SPINK2: variants seen among roughly 807,000 people sequenced by gnomAD.
The protein encoded by SPINK2 is serine protease inhibitor Kazal-type 2.
A neutral mutation model predicts 13.5 loss-of-function variants in SPINK2; 8 were observed. That is an observed-to-expected ratio of 0.59 (90% CI 0.35 to 1.07). SPINK2 has a LOEUF of 1.07. Ranked by LOEUF, SPINK2 falls within the 50% of genes least tolerant of loss-of-function variation. SPINK2 has a pLI of 0.02. For missense variants in SPINK2, 148 were observed against 180.3 expected (o/e 0.82, Z 1.03); for synonymous variants, 76 against 74.7 (o/e 1.02, Z -0.09).
intron 3 of SPINK2, 165 bp from the exon 4 acceptor site, chr4:56,810,349 A>G: frequency 7.6e-6 from 5 of 653,934 alleles, no homozygotes; most frequent in Non-Finnish European, 2.6e-6. Flanking sequence ...AAAGAGGGTG[A>G]AAGTCCCCAC....
chr4:56,815,915 G>T (rs1413560026), intron 2 of SPINK2, among the ~76,000 whole-genome samples: 2 of 151,656 alleles, frequency 1.3e-5, no homozygotes, highest in Non-Finnish European at 2.9e-5. Flanking sequence ...ACCTGCCTGG[G>T]CAACATAGCA....
At position 56,811,417 on chromosome 4, in the gene SPINK2, G is replaced by A. The variant is rs186376452; in HGVS notation, c.359+268C>T. ...GTGGATCACTTGAGGTCAGGAGTTC[G>A]AAACCAGCCTGGCCAACATGGTGAA... On this transcript the variant is annotated intron_variant, in intron 3 of 3. Transcript: ENST00000506738. Among the ~76,000 whole-genome samples the A allele has an allele frequency of 4.9e-4, 75 of 152,190 alleles. No homozygotes were observed. The East Asian group carries it at 0.014, about 29-fold the overall frequency.
At position 56,821,696 on chromosome 4, in the gene SPINK2, T is replaced by TCA. The variant is rs768362930; in HGVS notation, c.-35_-34insTG. On this transcript the variant is annotated 5_prime_UTR_variant, in exon 1 of 4. Transcript: ENST00000506738. ...CGCGCCGGCTGTCTTGCCCCTGCGG[T>TCA]CTGTTACCTGCGCCACTCGCAGGGA... 4.3e-4 allele frequency: 629 copies of TCA among 1,456,150 alleles called. 1 individual carries two copies. Among genetic ancestry groups the TCA allele is most frequent in the Non-Finnish European group, 5.4e-4 (601 of 1,109,794 alleles). The allele number at this position is 1,456,150 out of a possible 1,614,324, so 90.2% of individuals were successfully genotyped here. A position where few individuals can be genotyped will look rare whatever the true frequency, so the allele number is the denominator to read the frequency against.
chr4:56,813,628 T>G (rs905202600), intron 2 of SPINK2, among the ~76,000 whole-genome samples: 1 of 152,028 alleles, frequency 6.6e-6, no homozygotes, highest in African/African-American at 2.4e-5. Context: ...GACTTTTTTT[T>G]TTTTTTGAGA....
At chr4:56,819,094 C>T (rs1560417491) in intron 2 of SPINK2, among the ~76,000 whole-genome samples, 1 of 152,100 alleles carries the variant, frequency 6.6e-6, no homozygotes, top group Non-Finnish European at 1.5e-5. Context: ...CCCTACCTCA[C>T]AGTACTGTGA....
Position 56,811,724 on chromosome 4 carries a change from G to A in SPINK2, c.320C>T (p.Ser107Phe). The change falls in exon 3 of 4, where the codon TCC (serine) becomes TTC (phenylalanine). Residue 107 changes from serine (S) to phenylalanine (F), a missense_variant. Physicochemically the swap from Ser to Phe is radical, Grantham distance 155 (BLOSUM62 -2). Coordinates refer to ENST00000506738, the MANE Select transcript of SPINK2 (RefSeq NM_001271718.2). ...CAGAGTACATTCATTGGCATAAGTGGACATGTCACTGCCACACACAGGGTT... is the reference window on the plus strand; with the variant it reads ...CAGAGTACATTCATTGGCATAAGTGAACATGTCACTGCCACACACAGGGTT... ...HFNPVCGSDM[S>F]TYANECTLCM... 1 of 1,611,138 alleles carries A rather than the reference G, an allele frequency of 6.2e-7. No homozygotes were observed. Among genetic ancestry groups the A allele is most frequent in the Non-Finnish European group, 8.5e-7 (1 of 1,178,096 alleles).
At chr4:56,821,435 AC>A in intron 1 of SPINK2, 22 bp downstream of exon 1, 1 of 1,494,442 alleles carries the variant, frequency 6.7e-7, no homozygotes, top group Non-Finnish European at 8.9e-7. Flanking sequence ...CACCCCCACA[AC>A]CCCCAGTTCG....
intron 2 of SPINK2, among the ~76,000 whole-genome samples, chr4:56,814,002 C>A (rs1717220953): frequency 6.8e-6 from 1 of 147,992 alleles, no homozygotes; most frequent in African/African-American, 2.5e-5. Context: ...TGGCTCACTG[C>A]AACTTCTGCC....
intron 2 of SPINK2, among the ~76,000 whole-genome samples, chr4:56,815,327 A>C (rs747559489): frequency 6.6e-6 from 1 of 152,208 alleles, no homozygotes; most frequent in Non-Finnish European, 1.5e-5. Context: ...ATTCAACACT[A>C]TACCGAAGTT....
intron 2 of SPINK2, among the ~76,000 whole-genome samples, chr4:56,819,621 T>C (rs200308151): frequency 2.3e-4 from 25 of 108,758 alleles, no homozygotes; most frequent in Admixed American, 1.4e-3. Flanking sequence ...TTTCTTTCTT[T>C]TTTTTTTTTT....
upstream of SPINK2, chr4:56,821,728 G>C (rs188645115): frequency 6.5e-6 from 9 of 1,377,146 alleles, no homozygotes; most frequent in African/African-American, 1.4e-4. Context: ...GGGAGCGCTC[G>C]TGCGACGGGG....
Position 56,811,685 on chromosome 4 carries a change from C to T in SPINK2, c.359G>A (p.Arg120Lys). 6.3e-7 allele frequency: 1 copy of T among 1,584,262 alleles called. No individual in the cohort carries two copies. The highest frequency in any genetic ancestry group is 8.6e-7 in the Non-Finnish European group (1 of 1,160,144). The change falls in exon 3 of 4, where the codon AGG becomes AAG. Residue 120 changes from arginine (R) to lysine (K), a missense_variant and splice_region_variant. By Grantham distance (26) the Arg-to-Lys change is conservative. Coordinates refer to ENST00000506738, the MANE Select transcript of SPINK2 (RefSeq NM_001271718.2). The stretch of plus-strand genomic sequence containing the variant: ...GTCTACAGCTGTAAAATCATGTTAC[C>T]TGATTTTCATGCACAGAGTACATTC... ...ANECTLCMKI[R>K]EGGHNIKIIR...
At position 56,815,265 on chromosome 4, in the gene SPINK2, C is replaced by T. The variant is rs568352541; in HGVS notation, c.250-3471G>A. ...CTACTCAATGGTAAAGGACTCAATG[C>T]TTTTCCCTAAAATCAGAAAAAAACA... On this transcript the variant is annotated intron_variant, in intron 2 of 3. Transcript: ENST00000506738. Among the ~76,000 whole-genome samples the T allele has an allele frequency of 3.9e-4, 60 of 152,260 alleles. 1 individual carries two copies. Among genetic ancestry groups the T allele is most frequent in the African/African-American group, 1.3e-3 (56 of 41,564 alleles).
intron 2 of SPINK2, among the ~76,000 whole-genome samples, chr4:56,816,933 G>A (rs1317893994): frequency 2.6e-5 from 4 of 151,678 alleles, no homozygotes; most frequent in Non-Finnish European, 2.9e-5. Context: ...GACCAGGTGC[G>A]GTGGCTCACG....
intron 2 of SPINK2, among the ~76,000 whole-genome samples, chr4:56,813,611 C>T (rs1403334804): frequency 6.6e-6 from 1 of 151,300 alleles, no homozygotes; most frequent in Non-Finnish European, 1.5e-5. Context: ...TTGTGCACTC[C>T]TTATGAGACT....
At chr4:56,819,853 G>C (rs1717784129) in intron 2 of SPINK2, among the ~76,000 whole-genome samples, 1 of 152,068 alleles carries the variant, frequency 6.6e-6, no homozygotes, top group Non-Finnish European at 1.5e-5. Flanking sequence ...CTGACCTCGT[G>C]ATCTGCCCAC....
intron 2 of SPINK2, among the ~76,000 whole-genome samples, chr4:56,812,925 T>C (rs1446662029): frequency 6.6e-6 from 1 of 152,222 alleles, no homozygotes; most frequent in Non-Finnish European, 1.5e-5. Context: ...AGATACTAAC[T>C]ACAGGAAGAG....
At chr4:56,820,047 C>T (rs1287145551) in intron 2 of SPINK2, among the ~76,000 whole-genome samples, 2 of 152,164 alleles carry the variant, frequency 1.3e-5, no homozygotes, top group East Asian at 3.9e-4. Flanking sequence ...TTCTAGTTAG[C>T]TCACCTACAG....
At chr4:56,816,790 A>C (rs957756088) in intron 2 of SPINK2, 1 of 151,024 alleles carries the variant, frequency 6.6e-6, no homozygotes, top group Non-Finnish European at 1.5e-5. Context: ...AGTCAGGAGA[A>C]TCACTTGAAC....
Sources: allele counts gnomAD v4.1 joint callset (sites outside exome capture counted in the v4.1 genomes callset), GRCh38; gene constraint gnomAD v4.1.1; transcripts MANE v1.5; gene names NCBI Gene and HGNC (gene_info 2026-07-23, HGNC 2026-07-21).